MYO16: variants seen among roughly 807,000 people sequenced by gnomAD.
MYO16 encodes unconventional myosin-XVI.
MYO16 carries 94 observed loss-of-function variants against 205.3 expected under a neutral mutation model. That is an observed-to-expected ratio of 0.46 (90% CI 0.39 to 0.54). MYO16 has a LOEUF of 0.54. MYO16 is among the 20% of genes least tolerant of loss of function. The pLI is 0.00. For missense variants in MYO16, 2,315 were observed against 2,387.5 expected, an observed-to-expected ratio of 0.97 and a Z score of 0.63; for synonymous variants, 988 against 954.0, an observed-to-expected ratio of 1.04 and a Z score of -0.66.
intron 1 of MYO16, among the ~76,000 whole-genome samples, chr13:108,610,286 G>A (rs543745376): frequency 2.0e-5 from 3 of 152,242 alleles, no homozygotes; most frequent in East Asian, 3.9e-4. Context: ...TGTGTGCTCC[G>A]TCGATGCCTT....
At chr13:108,894,410 C>A (rs1880317358) in intron 14 of MYO16, among the ~76,000 whole-genome samples, 1 of 151,992 alleles carries the variant, frequency 6.6e-6, no homozygotes, top group Non-Finnish European at 1.5e-5. Flanking sequence ...TTAAAGATTG[C>A]CATCTCAGTG....
rs1169962685 is a variant in MYO16, at chr13:108,832,251, T to C, written c.1097+8973T>C. Among the ~76,000 whole-genome samples, 5 of 150,864 alleles carry C rather than the reference T, an allele frequency of 3.3e-5. No individual in the cohort carries two copies. In the Admixed American group the frequency reaches 3.3e-4, roughly 10 times the overall value. The stretch of plus-strand genomic sequence containing the variant: ...TCCGCCTCCTGGGCTCAAGAGATTC[T>C]CCTGCCTCAGCCTCTTGAGTAGCTG... On this transcript the variant is annotated intron_variant, in intron 9 of 34. Transcript: ENST00000457511.
At chr13:108,929,954 CA>C (rs1882181562) in intron 16 of MYO16, among the ~76,000 whole-genome samples, 1 of 152,130 alleles carries the variant, frequency 6.6e-6, no homozygotes, top group Non-Finnish European at 1.5e-5. Context: ...AAGCTATATG[CA>C]TGAATAAGAA....
chr13:109,018,962 GTTTTTTTTTTTGTT>G (rs1885926860), intron 22 of MYO16, among the ~76,000 whole-genome samples: 1 of 141,020 alleles, frequency 7.1e-6, no homozygotes, highest in African/African-American at 2.6e-5. Flanking sequence ...GACATACTCT[GTTTTTTTTTTTGTT>G]TTTTTTTTTT....
the MYO16 span, among the ~76,000 whole-genome samples, chr13:108,547,271 C>CA: frequency 0.047 from 4,361 of 92,200 alleles, 100 homozygotes; most frequent in Middle Eastern, 0.056. Context: ...GACTCTGTCT[C>CA]AAAAAAAAAA....
chr13:109,017,712 T>C (rs906578492), intron 22 of MYO16, among the ~76,000 whole-genome samples: 1 of 152,204 alleles, frequency 6.6e-6, no homozygotes. Flanking sequence ...TTTCCTTAAT[T>C]TGATCTTCAA....
At chr13:108,798,757 C>G (rs1886877089) in intron 6 of MYO16, among the ~76,000 whole-genome samples, 1 of 114,786 alleles carries the variant, frequency 8.7e-6, no homozygotes, top group African/African-American at 3.4e-5. Context: ...GGACTGCGGA[C>G]TGCAGTGGCG....
At chr13:108,498,313 T>C in the MYO16 span, among the ~76,000 whole-genome samples, 1 of 152,104 alleles carries the variant, frequency 6.6e-6, no homozygotes, top group Non-Finnish European at 1.5e-5. Flanking sequence ...CCAGAAGACT[T>C]AGGTAATTTT....
chr13:108,548,245 G>A, the MYO16 span, among the ~76,000 whole-genome samples: 1 of 151,282 alleles, frequency 6.6e-6, no homozygotes, highest in Non-Finnish European at 1.5e-5. Flanking sequence ...TGGTGGTGGT[G>A]GCAGTGGTGG....
At chr13:109,179,745 G>A in intron 34 of MYO16, 112 bp downstream of exon 34, 1 of 785,726 alleles carries the variant, frequency 1.3e-6, no homozygotes, top group Non-Finnish European at 2.1e-6. Flanking sequence ...GGGCTCAGCT[G>A]TTCTCACCTC....
intron 16 of MYO16, among the ~76,000 whole-genome samples, chr13:108,944,011 C>T (rs1191973532): frequency 6.6e-6 from 1 of 152,186 alleles, no homozygotes; most frequent in African/African-American, 2.4e-5. Context: ...AGAACAGTTG[C>T]GTTAGCAAAT....
chr13:108,739,756 A>G lies in MYO16; in HGVS notation c.507+12173A>G, dbSNP rs191725536. Reference sequence around the variant, plus strand: ...TTTCCAACTTGGTTCCATTCTCCCCATCACTTTCAGGTACACCAGTCAGAC... The same window carrying G: ...TTTCCAACTTGGTTCCATTCTCCCCGTCACTTTCAGGTACACCAGTCAGAC... On this transcript the variant is annotated intron_variant, in intron 4 of 34. Transcript: ENST00000457511. Among the ~76,000 whole-genome samples the G allele has an allele frequency of 7.2e-5, 11 of 152,270 alleles. No individual in the cohort carries two copies. The East Asian group carries it at 1.7e-3, about 24-fold the overall frequency.
chr13:108,848,501 T>C (rs1221980912), intron 10 of MYO16, among the ~76,000 whole-genome samples: 1 of 152,136 alleles, frequency 6.6e-6, no homozygotes, highest in East Asian at 1.9e-4. Context: ...TGACCAAACT[T>C]AAACTCAAGA....
rs181265232 is a variant in MYO16 at position 108,651,369 on chromosome 13, G to A, written c.29-14517G>A. ...GAAACTTCAGTTTTATTATTACCCT[G>A]AAACGAACCCTAGAAAGAATTATGA... is the stretch of plus-strand genomic sequence containing the variant. On this transcript the variant is annotated intron_variant, in intron 1 of 34. Coordinates refer to ENST00000457511, the MANE Select transcript of MYO16 (RefSeq NM_001198950.3). Among the ~76,000 whole-genome samples, 8 of 152,304 alleles carry A rather than the reference G, an allele frequency of 5.3e-5. No individual in the cohort carries two copies. In the East Asian group the frequency reaches 1.5e-3, roughly 29 times the overall value.
At chr13:108,980,372 T>C (rs539614856) in intron 20 of MYO16, among the ~76,000 whole-genome samples, 1 of 152,324 alleles carries the variant, frequency 6.6e-6, no homozygotes, top group South Asian at 2.1e-4. Flanking sequence ...GGAAATGCAT[T>C]TGGCCTCTTT....
chr13:108,714,166 C>T (rs1337841474), intron 3 of MYO16, among the ~76,000 whole-genome samples: 1 of 152,182 alleles, frequency 6.6e-6, no homozygotes, highest in Non-Finnish European at 1.5e-5. Context: ...CGCCATTCTC[C>T]TGCCTCAGCC....
intron 29 of MYO16, 116 bp downstream of exon 29, chr13:109,120,582 C>A: frequency 1.6e-6 from 1 of 629,308 alleles, no homozygotes. Context: ...ACCACTCTCT[C>A]GATTCCTGGA....
At chr13:108,962,031 ATC>A (rs1050265219) in intron 18 of MYO16, among the ~76,000 whole-genome samples, 10 of 152,324 alleles carry the variant, frequency 6.6e-5, no homozygotes, top group Admixed American at 2.6e-4. Flanking sequence ...CTTGCCAAAA[ATC>A]TCTCTCTTTG....
At chr13:108,574,710 C>T in the MYO16 span, among the ~76,000 whole-genome samples, 103 of 49,340 alleles carry the variant, frequency 2.1e-3, no homozygotes, top group South Asian at 0.016. Context: ...TGTGTGTGTG[C>T]GCTTGTGTGT....
Sources: allele counts gnomAD v4.1 joint callset (sites outside exome capture counted in the v4.1 genomes callset), GRCh38; gene constraint gnomAD v4.1.1; transcripts MANE v1.5; gene names NCBI Gene and HGNC (gene_info 2026-07-23, HGNC 2026-07-21).